MYEF2: variants seen among roughly 807,000 people sequenced by gnomAD.
MYEF2 encodes the protein myelin gene expression factor 2.
In MYEF2, 37 loss-of-function variants were observed where a neutral mutation model predicts 75.2. The observed-to-expected ratio is 0.49, with a 90% CI of 0.38 to 0.65. The LOEUF (loss-of-function observed/expected upper bound fraction) is 0.65. Among genes scored for constraint, MYEF2 ranks in the 30% least tolerant of loss-of-function variants. The pLI is 0.00. For missense variants in MYEF2, 634 were observed against 771.4 expected (o/e 0.82, Z 2.11); for synonymous variants, 195 against 241.6 (o/e 0.81, Z 1.79).
rs1303387379 is a variant in MYEF2 at position 48,142,944 on chromosome 15, G to A, written c.1767C>T (p.Gly589=). The A allele has an allele frequency of 2.5e-6, 4 of 1,597,268 alleles. No individual in the cohort carries two copies. The highest frequency in any genetic ancestry group is 3.4e-6 in the Non-Finnish European group (4 of 1,172,840). ...CRIMNGIKIS[G]REIDVRLDRN... ...GATCCAAGCGAACATCAATTTCTCTGCCACTGATTTTTATGCCATTCATTA... is the reference window on the plus strand; with the variant it reads ...GATCCAAGCGAACATCAATTTCTCTACCACTGATTTTTATGCCATTCATTA... Residue 589 remains glycine, a synonymous_variant, in exon 17 of 17, where the codon GGC becomes GGT. Coordinates refer to ENST00000324324, the MANE Select transcript of MYEF2 (RefSeq NM_016132.5).
intron 1 of MYEF2, among the ~76,000 whole-genome samples, chr15:48,173,397 C>T (rs1327974917): frequency 1.3e-5 from 2 of 152,056 alleles, no homozygotes; most frequent in African/African-American, 4.8e-5. Flanking sequence ...TCATACTCAA[C>T]AGTGAAAATT....
At chr15:48,152,419 A>T (rs1246054862) in intron 10 of MYEF2, 135 bp from the exon 11 acceptor site, 2 of 719,600 alleles carry the variant, frequency 2.8e-6, no homozygotes, top group Admixed American at 2.6e-5. Context: ...AGGGTACAGG[A>T]GGCATGGTTT....
chr15:48,157,041 A>G (rs1291152730), intron 9 of MYEF2: 3 of 152,134 alleles, frequency 2.0e-5, no homozygotes, highest in East Asian at 3.8e-4. Context: ...ATGGCATATG[A>G]TAACTATATG....
intron 6 of MYEF2, 62 bp from the exon 7 acceptor site, chr15:48,158,984 A>G (rs765142077): frequency 2.6e-5 from 38 of 1,442,964 alleles, no homozygotes; most frequent in Non-Finnish European, 3.4e-5. Context: ...CTGTAAATAC[A>G]AAAAATCTTT....
At chr15:48,168,969 T>C in intron 1 of MYEF2, 130 bp from the exon 2 acceptor site, 1 of 673,862 alleles carries the variant, frequency 1.5e-6, no homozygotes, top group Non-Finnish European at 2.5e-6. Flanking sequence ...CTCAGCAAAG[T>C]AGCTGGAGAA....
intron 12 of MYEF2, 108 bp from the exon 13 acceptor site, chr15:48,151,679 AAT>A: frequency 8.0e-7 from 1 of 1,248,736 alleles, no homozygotes; most frequent in Non-Finnish European, 1.1e-6. Context: ...ACAAATATAA[AAT>A]AGTCTGTCAT....
rs1323891224 is a variant in MYEF2, at chr15:48,178,086, C to T, written c.152G>A (p.Gly51Asp). 1.3e-6 allele frequency: 2 copies of T among 1,599,626 alleles called. No individual in the cohort carries two copies. Among genetic ancestry groups the T allele is most frequent in the Admixed American group, 1.7e-5 (1 of 59,030 alleles). Residue 51 changes from glycine (G) to aspartate (D), a missense_variant, in exon 1 of 17, where the codon GGC becomes GAC. Physicochemically the swap from Gly to Asp is moderately conservative, Grantham distance 94. Transcript: ENST00000324324. ...GAGGAAAAGACAATACATTTTAACGCCATTGGAGCTGCTGCTGTGCTGCGG... is the reference window on the plus strand; with the variant it reads ...GAGGAAAAGACAATACATTTTAACGTCATTGGAGCTGCTGCTGTGCTGCGG... ...QQPQHSSSSN[G>D]VKMENDESAK...
intron 2 of MYEF2, among the ~76,000 whole-genome samples, chr15:48,168,124 A>C (rs1475300852): frequency 6.6e-6 from 1 of 152,150 alleles, no homozygotes; most frequent in Non-Finnish European, 1.5e-5. Context: ...TTCTGAAAAC[A>C]AAACTGCAAC....
chr15:48,163,052 G>T (rs1478718336), intron 5 of MYEF2, among the ~76,000 whole-genome samples: 3 of 152,162 alleles, frequency 2.0e-5, no homozygotes, highest in Admixed American at 6.5e-5. Flanking sequence ...AGTTCAGACA[G>T]GTGAAAAGCC....
rs2038950270 is a variant in MYEF2 at position 48,138,229 on chromosome 15, C to T, written c.*4679G>A. 6.6e-6 allele frequency: 1 copy of T among 151,964 alleles called. No homozygotes were observed. Among genetic ancestry groups the T allele is most frequent in the South Asian group, 2.1e-4 (1 of 4,830 alleles). The allele number at this position is 151,964 out of a possible 1,614,324, so 9.4% of individuals were successfully genotyped here. A position where few individuals can be genotyped will look rare whatever the true frequency, so the allele number is the denominator to read the frequency against. On this transcript the variant is annotated 3_prime_UTR_variant, in exon 17 of 17. Coordinates refer to ENST00000324324, the MANE Select transcript of MYEF2 (RefSeq NM_016132.5). ...AACATTAGTTTTAACATGATTTCAT[C>T]CAATTGTTACATTATTTTGTAAATG...
In MYEF2 at chr15:48,143,039, T is replaced by G; in HGVS notation, c.1672A>C (p.Asn558His). Residue 558 changes from asparagine to histidine, a missense_variant, in exon 17 of 17, where the codon AAT becomes CAT. Coordinates refer to ENST00000324324, the MANE Select transcript of MYEF2 (RefSeq NM_016132.5). The part of the protein sequence containing the change: ...HVMFAEIKME[N>H]GKSKGCGTVR... The stretch of plus-strand genomic sequence containing the variant: ...GTTCCACAGCCTTTTGACTTTCCAT[T>G]CTCCATTTTTATTTCTGCAAACATT... 2 of 1,577,100 alleles carry G rather than the reference T, an allele frequency of 1.3e-6. No individual in the cohort carries two copies. Among genetic ancestry groups the G allele is most frequent in the Non-Finnish European group, 1.7e-6 (2 of 1,165,172 alleles).
At chr15:48,145,115 T>C (rs1197123653) in intron 16 of MYEF2, among the ~76,000 whole-genome samples, 1 of 151,870 alleles carries the variant, frequency 6.6e-6, no homozygotes, top group African/African-American at 2.4e-5. Context: ...AATTTTCTAG[T>C]TGACAAGTTC....
In MYEF2 at chr15:48,139,222, G is replaced by A; in HGVS notation, c.*3686C>T. The stretch of plus-strand genomic sequence containing the variant: ...GCACAACTTGAAAATATTCATATAA[G>A]AACAAATTGCATATGTTCACTCAAA... On this transcript the variant is annotated 3_prime_UTR_variant, in exon 17 of 17. Coordinates refer to ENST00000324324, the MANE Select transcript of MYEF2 (RefSeq NM_016132.5). 1 of 1,500,340 alleles carries A rather than the reference G, an allele frequency of 6.7e-7. No individual in the cohort carries two copies. The highest frequency in any genetic ancestry group is 9.2e-7 in the Non-Finnish European group (1 of 1,087,268). The allele number at this position is 1,500,340 out of a possible 1,614,324, so 92.9% of individuals were successfully genotyped here.
chr15:48,153,806 T>C lies in MYEF2; in HGVS notation c.1073A>G (p.Asn358Ser). 1 of 1,613,140 alleles carries C rather than the reference T, an allele frequency of 6.2e-7. No homozygotes were observed. The highest frequency in any genetic ancestry group is 8.5e-7 in the Non-Finnish European group (1 of 1,179,388). ...AGAATACTCACCACCTGGACCTAAATTTCCCATTACTCCACCTATGTTCAA... is the reference window on the plus strand; with the variant it reads ...AGAATACTCACCACCTGGACCTAAACTTCCCATTACTCCACCTATGTTCAA... ...SQLNIGGVMG[N>S]LGPGGMGMDG... Residue 358 changes from asparagine to serine, a missense_variant, in exon 10 of 17, where the codon AAT (asparagine) becomes AGT (serine). Asn to Ser is a conservative substitution (Grantham distance 46). Coordinates refer to ENST00000324324, the MANE Select transcript of MYEF2 (RefSeq NM_016132.5).
At chr15:48,176,925 T>G (rs1043111716) in intron 1 of MYEF2, among the ~76,000 whole-genome samples, 16 of 152,088 alleles carry the variant, frequency 1.1e-4, no homozygotes, top group African/African-American at 3.4e-4. Flanking sequence ...TCAAACTCAT[T>G]TGAGAGCAAG....
chr15:48,157,963 A>G (rs1437569695), intron 9 of MYEF2, 30 bp downstream of exon 9: 46 of 1,611,650 alleles, frequency 2.9e-5, no homozygotes, highest in Non-Finnish European at 3.5e-5. Context: ...AAAAAAGCCT[A>G]TGTTGTTTCT....
intron 1 of MYEF2, among the ~76,000 whole-genome samples, chr15:48,172,228 C>T (rs1347773929): frequency 1.3e-5 from 2 of 151,996 alleles, no homozygotes; most frequent in Non-Finnish European, 2.9e-5. Flanking sequence ...GGTGAAACCC[C>T]GTCTCTACTA....
intron 16 of MYEF2, among the ~76,000 whole-genome samples, chr15:48,144,212 G>T (rs571215803): frequency 6.6e-6 from 1 of 151,956 alleles, no homozygotes; most frequent in Non-Finnish European, 1.5e-5. Flanking sequence ...AGGACCTGTC[G>T]AAAAACTGCA....
chr15:48,155,830 A>C (rs1306346321), intron 9 of MYEF2, among the ~76,000 whole-genome samples: 2 of 147,804 alleles, frequency 1.4e-5, no homozygotes, highest in Non-Finnish European at 3.0e-5. Context: ...GCTGGAGTGC[A>C]GGGGCACGAT....
Sources: allele counts gnomAD v4.1 joint callset (sites outside exome capture counted in the v4.1 genomes callset), GRCh38; gene constraint gnomAD v4.1.1; transcripts MANE v1.5; gene names NCBI Gene and HGNC (gene_info 2026-07-23, HGNC 2026-07-21).